CPED1: variants seen among roughly 807,000 people sequenced by gnomAD.
CPED1 encodes cadherin like and PC-esterase domain containing 1.
A neutral mutation model predicts 128.2 loss-of-function variants in CPED1; 114 were observed. The ratio of observed to expected loss-of-function variants is 0.89; its 90% confidence interval spans 0.76 to 1.04. CPED1 has a LOEUF of 1.04. Among genes scored for constraint, CPED1 ranks in the 50% least tolerant of loss-of-function variants. The pLI is 0.00. For synonymous variants in CPED1, 462 were observed against 426.7 expected (o/e 1.08, Z -1.02); for missense variants, 1,211 against 1,207.1 (o/e 1.00, Z -0.05).
chr7:121,215,838 A>T (rs543789393), intron 16 of CPED1, among the ~76,000 whole-genome samples: 1 of 152,088 alleles, frequency 6.6e-6, no homozygotes, highest in Non-Finnish European at 1.5e-5. Flanking sequence ...GATGTCTTAC[A>T]TATTTTTTAA....
chr7:121,222,645 G>A (rs1352921347), intron 16 of CPED1, among the ~76,000 whole-genome samples: 1 of 152,124 alleles, frequency 6.6e-6, no homozygotes, highest in East Asian at 1.9e-4. Flanking sequence ...GCAGTGGTTT[G>A]TAGTTCTCCT....
At position 121,048,510 on chromosome 7, in the gene CPED1, C is replaced by T. The variant is rs1209264955; in HGVS notation, c.540+1517C>T. Among the ~76,000 whole-genome samples the T allele has an allele frequency of 2.0e-5, 3 of 151,856 alleles. No homozygotes were observed. In the East Asian group the frequency reaches 5.8e-4, roughly 29 times the overall value. ...AATTGCCAATACTACTGAATTTAAC[C>T]TCTTAACGTTTTTTTTTCTTCTGTT... On this transcript the variant is annotated intron_variant, in intron 4 of 22. Transcript: ENST00000310396.
At chr7:121,176,616 C>T (rs781498920) in intron 16 of CPED1, among the ~76,000 whole-genome samples, 4 of 152,100 alleles carry the variant, frequency 2.6e-5, no homozygotes, top group Non-Finnish European at 4.4e-5. Flanking sequence ...GAAAGGTGAA[C>T]GTCATGACAA....
At chr7:121,223,418 C>G (rs549524780) in intron 16 of CPED1, among the ~76,000 whole-genome samples, 1 of 152,034 alleles carries the variant, frequency 6.6e-6, no homozygotes, top group Non-Finnish European at 1.5e-5. Context: ...CTACAATTCT[C>G]TTTTTTTGTT....
intron 16 of CPED1, among the ~76,000 whole-genome samples, chr7:121,181,546 TTA>T (rs1326562969): frequency 2.0e-5 from 3 of 152,126 alleles, no homozygotes; most frequent in African/African-American, 7.2e-5. Flanking sequence ...TTTAAAAAAT[TTA>T]TATGTCAGCA....
chr7:121,286,394 G>A (rs978231157), intron 22 of CPED1, among the ~76,000 whole-genome samples: 1 of 152,152 alleles, frequency 6.6e-6, no homozygotes, highest in African/African-American at 2.4e-5. Context: ...TCTTTCCCCA[G>A]GGGTTCCTCA....
rs377175409 is a variant in CPED1, at chr7:121,005,664, C to A, written c.250-10001C>A. The stretch of plus-strand genomic sequence containing the variant: ...AAAGTATAATAAAAAAATTTAGAAA[C>A]GAACAAACAAAAAAAGCTGTTATTC... On this transcript the variant is annotated intron_variant, in intron 2 of 22. Transcript: ENST00000310396. Among the ~76,000 whole-genome samples the A allele has an allele frequency of 5.9e-5, 9 of 151,964 alleles. No homozygotes were observed. The East Asian group carries it at 1.7e-3, about 29-fold the overall frequency.
chr7:121,204,031 CAG>C (rs201939816), intron 16 of CPED1, among the ~76,000 whole-genome samples: 239 of 151,940 alleles, frequency 1.6e-3, no homozygotes, highest in African/African-American at 5.2e-3. Flanking sequence ...AGGAGGAGCT[CAG>C]AAAGGAGAGA....
intron 16 of CPED1, among the ~76,000 whole-genome samples, chr7:121,189,725 C>G (rs114409372): frequency 1.3e-4 from 17 of 129,430 alleles, no homozygotes; most frequent in African/African-American, 4.1e-4. Context: ...TGAAAGTGTT[C>G]TAGCCATATT....
intron 6 of CPED1, among the ~76,000 whole-genome samples, chr7:121,098,599 G>A (rs188750698): frequency 5.7e-4 from 87 of 151,348 alleles, no homozygotes; most frequent in African/African-American, 2.1e-3. Flanking sequence ...AGGCACAGTG[G>A]TGCATGCCTG....
chr7:121,187,782 A>G (rs1797038203), intron 16 of CPED1, among the ~76,000 whole-genome samples: 1 of 152,152 alleles, frequency 6.6e-6, no homozygotes, highest in Non-Finnish European at 1.5e-5. Flanking sequence ...AGGGACAAAG[A>G]GATGAGCTGG....
chr7:121,173,391 C>G (rs927425539), intron 16 of CPED1, among the ~76,000 whole-genome samples: 2 of 152,032 alleles, frequency 1.3e-5, no homozygotes, highest in Non-Finnish European at 2.9e-5. Context: ...CTTTTCTGCT[C>G]TTTTCCTGTC....
At chr7:121,073,124 C>T (rs1469273489) in intron 5 of CPED1, among the ~76,000 whole-genome samples, 1 of 152,088 alleles carries the variant, frequency 6.6e-6, no homozygotes, top group African/African-American at 2.4e-5. Context: ...TGAAGCCATA[C>T]TGATAAAATA....
intron 22 of CPED1, among the ~76,000 whole-genome samples, chr7:121,283,764 A>G (rs551166328): frequency 1.2e-3 from 180 of 152,166 alleles, no homozygotes; most frequent in Non-Finnish European, 2.1e-3. Flanking sequence ...CAGCCGCCCC[A>G]GGCACTAATC....
At chr7:121,279,257 TA>T (rs71170240) in intron 22 of CPED1, among the ~76,000 whole-genome samples, 3 of 151,712 alleles carry the variant, frequency 2.0e-5, no homozygotes, top group Admixed American at 6.6e-5. Context: ...GACTTTTCCT[TA>T]TTTTTTTTAT....
chr7:121,135,916 T>G (rs1197092530), intron 13 of CPED1, 124 bp from the exon 14 acceptor site: 1 of 636,272 alleles, frequency 1.6e-6, no homozygotes, highest in Non-Finnish European at 2.5e-6. Context: ...CTTAGAAGTG[T>G]TCACTAGTAT....
intron 16 of CPED1, among the ~76,000 whole-genome samples, chr7:121,199,692 A>AGAAAG (rs1190838592): frequency 7.9e-6 from 1 of 127,340 alleles, no homozygotes; most frequent in Non-Finnish European, 1.7e-5. Context: ...AAAAAAAAAA[A>AGAAAG]AAAAAAAAGA....
chr7:120,995,963 C>CTT (rs1562985592), intron 2 of CPED1, among the ~76,000 whole-genome samples: 59 of 126,756 alleles, frequency 4.7e-4, no homozygotes, highest in African/African-American at 2.4e-3. Flanking sequence ...TCCTCCTCCT[C>CTT]CTCCTCCTTC....
At chr7:121,258,904 A>G (rs1332667802) in intron 18 of CPED1, among the ~76,000 whole-genome samples, 1 of 152,068 alleles carries the variant, frequency 6.6e-6, no homozygotes, top group Non-Finnish European at 1.5e-5. Context: ...TGCTAATCAC[A>G]TCACAGCAAG....
Sources: gnomAD v4.1 joint callset for allele counts (sites outside exome capture counted in the v4.1 genomes callset) on GRCh38, gnomAD v4.1.1 for gene constraint, MANE v1.5 for transcripts, NCBI Gene and HGNC (gene_info 2026-07-23, HGNC 2026-07-21) for gene names.